Variants in ERG observed in about 807,000 individuals in gnomAD.
ERG encodes transcriptional regulator ERG.
Under a neutral mutation model 55.3 loss-of-function variants are expected in ERG, and 9 were observed. That is an observed-to-expected ratio of 0.16 (90% CI 0.10 to 0.28). The LOEUF is 0.28. Ranked by LOEUF, ERG falls within the 10% of genes least tolerant of loss-of-function variation. The pLI is 1.00. For synonymous variants in ERG, 223 were observed against 237.3 expected, an observed-to-expected ratio of 0.94 and a Z score of 0.55; for missense variants, 434 against 631.6, an observed-to-expected ratio of 0.69 and a Z score of 3.35.
intron 1 of ERG, among the ~76,000 whole-genome samples, chr21:38,597,607 T>C (rs1363666588): frequency 6.6e-6 from 1 of 152,096 alleles, no homozygotes; most frequent in African/African-American, 2.4e-5. Flanking sequence ...TCATTGGTTG[T>C]AGGATGTCCT....
At chr21:38,466,016 G>A (rs772810046) in intron 1 of ERG, among the ~76,000 whole-genome samples, 7 of 152,148 alleles carry the variant, frequency 4.6e-5, no homozygotes, top group Admixed American at 6.5e-5. Context: ...CAGTTAGCAC[G>A]GTGTTGGAGA....
intron 1 of ERG, among the ~76,000 whole-genome samples, chr21:38,453,965 TA>T (rs938554797): frequency 4.6e-5 from 7 of 151,366 alleles, no homozygotes; most frequent in African/African-American, 1.7e-4. Flanking sequence ...GCAAAAAGTA[TA>T]AAAACATCTG....
intron 2 of ERG, among the ~76,000 whole-genome samples, chr21:38,518,722 G>C (rs565917674): frequency 6.6e-5 from 10 of 152,158 alleles, no homozygotes; most frequent in African/African-American, 2.2e-4. Flanking sequence ...CTTGGGAAGG[G>C]AAAGATTTTA....
At chr21:38,391,159 T>C (rs2146427296) in intron 8 of ERG, 117 bp from the exon 9 acceptor site, 1 of 826,468 alleles carries the variant, frequency 1.2e-6, no homozygotes, top group Non-Finnish European at 2.0e-6. Flanking sequence ...GAAAATGTCC[T>C]CCAACTCCAA....
At chr21:38,545,446 C>T (rs1039173327) in intron 2 of ERG, among the ~76,000 whole-genome samples, 1 of 152,172 alleles carries the variant, frequency 6.6e-6, no homozygotes, top group Non-Finnish European at 1.5e-5. Context: ...GCCCCTGAGA[C>T]AGACACTGCC....
chr21:38,573,495 T>C (rs2059974124), intron 2 of ERG, among the ~76,000 whole-genome samples: 1 of 152,248 alleles, frequency 6.6e-6, no homozygotes, highest in Non-Finnish European at 1.5e-5. Flanking sequence ...ACAGCAATGC[T>C]GCTTTGTTAT....
chr21:38,430,333 T>A (rs1404301660), intron 2 of ERG, among the ~76,000 whole-genome samples: 5 of 152,216 alleles, frequency 3.3e-5, no homozygotes, highest in Admixed American at 3.3e-4. Flanking sequence ...AAATGCATAG[T>A]TTGCAAATAT....
intron 1 of ERG, among the ~76,000 whole-genome samples, chr21:38,640,498 G>A (rs1173405396): frequency 6.6e-6 from 1 of 152,164 alleles, no homozygotes; most frequent in Non-Finnish European, 1.5e-5. Flanking sequence ...GGTGGGAGAT[G>A]ATTGAGTCAT....
chr21:38,424,592 A>G (rs1366850887), intron 2 of ERG, among the ~76,000 whole-genome samples: 1 of 152,212 alleles, frequency 6.6e-6, no homozygotes, highest in African/African-American at 2.4e-5. Flanking sequence ...GTGTGACAGC[A>G]AACAGGCAGA....
At chr21:38,623,191 C>T (rs2060304225) in intron 1 of ERG, among the ~76,000 whole-genome samples, 1 of 151,212 alleles carries the variant, frequency 6.6e-6, no homozygotes. Flanking sequence ...ACTAAATACA[C>T]ACCACATGCT....
intron 1 of ERG, among the ~76,000 whole-genome samples, chr21:38,625,351 G>GT (rs148638483): frequency 0.023 from 3,447 of 151,236 alleles, 123 homozygotes; most frequent in African/African-American, 0.076. Context: ...CCATTAGTTT[G>GT]TTTTTTTTTA....
intron 2 of ERG, among the ~76,000 whole-genome samples, chr21:38,517,331 G>A (rs1359212314): frequency 6.6e-6 from 1 of 151,566 alleles, no homozygotes; most frequent in Non-Finnish European, 1.5e-5. Flanking sequence ...GAAGACACAG[G>A]AATGGCCATC....
At chr21:38,577,839 TC>T (rs1446126061) in intron 1 of ERG, among the ~76,000 whole-genome samples, 1 of 152,178 alleles carries the variant, frequency 6.6e-6, no homozygotes, top group Non-Finnish European at 1.5e-5. Context: ...GCACAGTTCC[TC>T]CCTGCCTGCA....
intron 2 of ERG, among the ~76,000 whole-genome samples, chr21:38,569,560 G>A (rs1429678164): frequency 6.6e-6 from 1 of 152,146 alleles, no homozygotes; most frequent in Admixed American, 6.5e-5. Flanking sequence ...TGGTATTTTT[G>A]TTGCAAATAG....
intron 1 of ERG, among the ~76,000 whole-genome samples, chr21:38,465,852 C>G (rs927651105): frequency 6.6e-6 from 1 of 152,156 alleles, no homozygotes; most frequent in African/African-American, 2.4e-5. Context: ...TCTCATCCTC[C>G]TTGATCCCAT....
intron 1 of ERG, among the ~76,000 whole-genome samples, chr21:38,660,889 G>C (rs1273565605): frequency 6.6e-6 from 1 of 151,996 alleles, no homozygotes; most frequent in East Asian, 1.9e-4. Context: ...GGGTGTGCTC[G>C]CGTGTCCGTG....
Position 38,446,016 on chromosome 21 carries a change from G to T in ERG, c.19-395C>A, listed in dbSNP as rs943641145. ...GAGCGGTCATGAGGATTAAAAAAAA[G>T]AAATCTGAAGGCCAACACCTAAGCA... is the stretch of plus-strand genomic sequence containing the variant. On this transcript the variant is annotated intron_variant, in intron 1 of 9. Coordinates refer to ENST00000288319, the MANE Select transcript of ERG (RefSeq NM_182918.4). Among the ~76,000 whole-genome samples the T allele has an allele frequency of 5.3e-5, 8 of 151,932 alleles. No homozygotes were observed. The South Asian group carries it at 1.2e-3, about 24-fold the overall frequency.
chr21:38,579,283 T>C (rs2060013760), intron 1 of ERG, among the ~76,000 whole-genome samples: 1 of 152,216 alleles, frequency 6.6e-6, no homozygotes, highest in Non-Finnish European at 1.5e-5. Flanking sequence ...AGTCTCTTGT[T>C]TCTTATGGGG....
chr21:38,403,306 A>G (rs962413059), intron 4 of ERG, among the ~76,000 whole-genome samples, 200 bp downstream of exon 4: 1 of 152,200 alleles, frequency 6.6e-6, no homozygotes, highest in African/African-American at 2.4e-5. Flanking sequence ...GAGAGCGCTG[A>G]CTACTTCTCA....
Sources: allele counts gnomAD v4.1 joint callset (sites outside exome capture counted in the v4.1 genomes callset), GRCh38; gene constraint gnomAD v4.1.1; transcripts MANE v1.5; gene names NCBI Gene and HGNC (gene_info 2026-07-23, HGNC 2026-07-21).